The following LOXL3 variants were observed in gnomAD, a reference collection of about 807,000 sequenced individuals.
The protein encoded by LOXL3 is lysyl oxidase homolog 3.
LOXL3 carries 60 observed loss-of-function variants against 91.8 expected under a neutral mutation model. The ratio of observed to expected loss-of-function variants is 0.65; its 90% CI spans 0.53 to 0.81. The LOEUF is 0.81. Ranked by LOEUF, LOXL3 falls within the 30% of genes least tolerant of loss-of-function variation. The probability of loss-of-function intolerance (pLI) is 0.00; values close to 1 mark genes in which losing one functional copy is unlikely to be tolerated. For missense variants in LOXL3, 874 were observed against 1,000.4 expected (o/e 0.87, Z 1.70); for synonymous variants, 355 against 387.6 (o/e 0.92, Z 0.99).
Position 74,534,701 on chromosome 2 carries a change from CAT to C in LOXL3, c.1651_1652del (p.Met551ValfsTer40). ...TAYIEDRPLH[M>X]LYCAAEENCL... is the part of the protein sequence containing the mutation. ...AGTTCTCTTCCGCAGCACAGTACAA[CAT>C]ATGCAGGGGCCGGTCTTCGATGTAG... On this transcript the variant is annotated frameshift_variant, in exon 10 of 14. Transcript: ENST00000264094. LOFTEE classifies it high-confidence loss of function. 6.2e-7 allele frequency: 1 copy of C among 1,614,230 alleles called. No homozygotes were observed. Among genetic ancestry groups the C allele is most frequent in the South Asian group, 1.1e-5 (1 of 91,082 alleles).
At chr2:74,554,731 G>A, upstream of LOXL3, 1 of 1,605,254 alleles carries the variant, frequency 6.2e-7, no homozygotes, top group African/African-American at 1.3e-5. The surrounding 1 kb of genome is among the most constrained non-coding windows in gnomAD (Gnocchi z 4.9). Context: ...GGGCCAGGAA[G>A]CGCGGAAGGA....
Position 74,535,246 on chromosome 2 carries a change from C to T in LOXL3, c.1579+46G>A, listed in dbSNP as rs1397926874. The T allele has an allele frequency of 1.9e-6, 3 of 1,576,238 alleles. No homozygotes were observed. The highest frequency in any genetic ancestry group is 2.6e-6 in the Non-Finnish European group (3 of 1,159,942). On this transcript the variant is annotated intron_variant, in intron 9 of 13. Transcript: ENST00000264094. This position sits in a 1 kb window ranked among gnomAD's most constrained non-coding sequence, Gnocchi z 4.2. ...CCCCCTTTCCCTGCAAACGGGTGGC[C>T]CAGACACTCCCTTCCCTGGCATGCA... is the stretch of plus-strand genomic sequence containing the variant.
In LOXL3 at chr2:74,535,685, A is replaced by G; in HGVS notation, c.1319T>C (p.Leu440Pro). 6.2e-7 allele frequency: 1 copy of G among 1,611,236 alleles called. No individual in the cohort carries two copies. The highest frequency in any genetic ancestry group is 1.1e-5 in the South Asian group (1 of 90,746). The change falls in exon 8 of 14, where the codon CTT becomes CCT. Residue 440 changes from leucine (L) to proline (P), a missense_variant. By Grantham distance (98) the Leu-to-Pro change is moderately conservative. Coordinates refer to ENST00000264094, the MANE Select transcript of LOXL3 (RefSeq NM_032603.5). The surrounding 1 kb of genome is among the most constrained non-coding windows in gnomAD (Gnocchi z 4.2). ...ATCCCCACAGATGAGGCCCCAGCGA[A>G]GGGGCCCAGGTCCCCCTATTTGCAC... ...VEVQIGGPGP[L>P]RWGLICGDDW... is the part of the protein sequence containing the mutation.
At chr2:74,554,411 G>GCATTAAAAAA, upstream of LOXL3, 1 of 320,882 alleles carries the variant, frequency 3.1e-6, no homozygotes, top group Non-Finnish European at 5.8e-6. The surrounding 1 kb of genome is among the most constrained non-coding windows in gnomAD (Gnocchi z 4.9). Flanking sequence ...GCGCTTTCGG[G>GCATTAAAAAA]GTGATGTCAT....
At chr2:74,543,734 TA>T (rs1676445683) in intron 4 of LOXL3, among the ~76,000 whole-genome samples, 1 of 150,646 alleles carries the variant, frequency 6.6e-6, no homozygotes, top group South Asian at 2.1e-4. Flanking sequence ...TTACTAAAAA[TA>T]CCCAAAAATC....
chr2:74,542,406 G>C (rs1306127855), intron 4 of LOXL3, among the ~76,000 whole-genome samples: 2 of 152,040 alleles, frequency 1.3e-5, no homozygotes, highest in Admixed American at 1.3e-4. Flanking sequence ...TCTTCTCTAA[G>C]TCTACTGTAC....
intron 4 of LOXL3, among the ~76,000 whole-genome samples, chr2:74,537,784 G>A (rs970803705): frequency 6.6e-6 from 1 of 152,200 alleles, no homozygotes; most frequent in Admixed American, 6.5e-5. Flanking sequence ...AGAGAATGGG[G>A]GGACTTCTTT....
upstream of LOXL3, chr2:74,554,801 G>T: frequency 1.2e-6 from 2 of 1,614,146 alleles, no homozygotes; most frequent in Non-Finnish European, 1.7e-6. The surrounding 1 kb of genome is among the most constrained non-coding windows in gnomAD (Gnocchi z 4.9). Context: ...CAGAGTCAGC[G>T]CTTTGGGACC....
Position 74,549,351 on chromosome 2 carries a change from G to T in LOXL3, c.692+18C>A, listed in dbSNP as rs1326163588. 1 of 1,553,886 alleles carries T rather than the reference G, an allele frequency of 6.4e-7. No homozygotes were observed. The highest frequency in any genetic ancestry group is 1.9e-5 in the Admixed American group (1 of 52,442). ...CCCCAATCCCGGCCTGCTCCGCCCG[G>T]CGCCCGCGGCCCCTCACCTGTAGAA... On this transcript the variant is annotated intron_variant, in intron 4 of 13. Transcript: ENST00000264094. The surrounding 1 kb of genome is among the most constrained non-coding windows in gnomAD (Gnocchi z 5.3).
chr2:74,547,367 G>T (rs1196164537), intron 4 of LOXL3, among the ~76,000 whole-genome samples: 2 of 152,058 alleles, frequency 1.3e-5, no homozygotes, highest in Non-Finnish European at 2.9e-5. Context: ...AATATTGGGT[G>T]AGTGGATCTC....
At position 74,537,972 on chromosome 2, in the gene LOXL3, G is replaced by C. The variant is rs1004108471; in HGVS notation, c.693-1044C>G. 2.6e-5 allele frequency among the ~76,000 whole-genome samples: 4 copies of C among 152,180 alleles called. No homozygotes were observed. The South Asian group carries it at 6.2e-4, about 24-fold the overall frequency. ...ATCACTTGATGTCAGAGGAAGGATG[G>C]AATATGATGACTTGAAGCCATTGGC... On this transcript the variant is annotated intron_variant, in intron 4 of 13. Transcript: ENST00000264094.
chr2:74,542,956 T>C (rs1458456850), intron 4 of LOXL3, among the ~76,000 whole-genome samples: 1 of 152,162 alleles, frequency 6.6e-6, no homozygotes, highest in Non-Finnish European at 1.5e-5. Flanking sequence ...CCACTTCCTC[T>C]GGTTTTCCCT....
rs919748528 is a variant in LOXL3 at position 74,535,191 on chromosome 2, A to G, written c.1579+101T>C. ...TGCACCCGGCGAAACTGGCTCTTTT[A>G]TGGGGAAGAAGTGCCCCTCCAGATT... On this transcript the variant is annotated intron_variant, in intron 9 of 13. Coordinates refer to ENST00000264094, the MANE Select transcript of LOXL3 (RefSeq NM_032603.5). This position sits in a 1 kb window ranked among gnomAD's most constrained non-coding sequence, Gnocchi z 4.2. 5 of 1,368,332 alleles carry G rather than the reference A, an allele frequency of 3.7e-6. No individual in the cohort carries two copies. The African/African-American group carries it at 4.4e-5, about 12-fold the overall frequency. 84.8% of individuals were successfully genotyped at this position (1,368,332 alleles called of 1,614,324 possible). A position where few individuals can be genotyped will look rare whatever the true frequency, so the allele number is the denominator to read the frequency against.
intron 4 of LOXL3, among the ~76,000 whole-genome samples, chr2:74,540,305 T>C (rs774053590): frequency 6.6e-6 from 1 of 152,204 alleles, no homozygotes; most frequent in Non-Finnish European, 1.5e-5. Flanking sequence ...CAGATGTTAG[T>C]GCTAAACCTC....
At chr2:74,541,316 C>G (rs993914419) in intron 4 of LOXL3, among the ~76,000 whole-genome samples, 2 of 152,170 alleles carry the variant, frequency 1.3e-5, no homozygotes, top group African/African-American at 4.8e-5. Context: ...ACCAATCCCC[C>G]ATGGTTACTG....
Position 74,536,147 on chromosome 2 carries a change from A to G in LOXL3, c.1097T>C (p.Met366Thr). The change falls in exon 7 of 14, where the codon ATG (methionine) becomes ACG (threonine). Residue 366 changes from methionine to threonine, a missense_variant. Coordinates refer to ENST00000264094, the MANE Select transcript of LOXL3 (RefSeq NM_032603.5). The surrounding 1 kb of genome is among the most constrained non-coding windows in gnomAD (Gnocchi z 4.5). ...AACTTCACTCAGGTGGATAGCACCC[A>G]TGCCTAGGGCCAGATGGCAAAGATC... The part of the protein sequence containing the change: ...ALSGARMGQG[M>T]GAIHLSEVRC... 1 of 1,613,688 alleles carries G rather than the reference A, an allele frequency of 6.2e-7. No individual in the cohort carries two copies. Among genetic ancestry groups the G allele is most frequent in the South Asian group, 1.1e-5 (1 of 91,092 alleles).
intron 13 of LOXL3, 26 bp downstream of exon 13, chr2:74,533,856 C>T (rs1675812883): frequency 2.5e-6 from 4 of 1,576,244 alleles, no homozygotes; most frequent in Non-Finnish European, 3.5e-6. Flanking sequence ...CCCTAATCTT[C>T]CTGGGTTGCT....
upstream of LOXL3, chr2:74,555,290 G>T: frequency 6.2e-7 from 1 of 1,614,104 alleles, no homozygotes; most frequent in East Asian, 2.2e-5. This position sits in a 1 kb window ranked among gnomAD's most constrained non-coding sequence, Gnocchi z 6.1. Flanking sequence ...AAAGTGATCC[G>T]TCTGGCTGAG....
intron 4 of LOXL3, among the ~76,000 whole-genome samples, chr2:74,545,271 C>G (rs989831711): frequency 6.6e-6 from 1 of 152,190 alleles, no homozygotes; most frequent in South Asian, 2.1e-4. Flanking sequence ...TCCTGATAAG[C>G]TTCAATTTTA....
Sources: gnomAD v4.1 joint callset for allele counts (sites outside exome capture counted in the v4.1 genomes callset) on GRCh38, gnomAD v4.1.1 for gene constraint, Gnocchi (gnomAD v3.1) non-coding constraint, MANE v1.5 for transcripts, NCBI Gene and HGNC (gene_info 2026-07-23, HGNC 2026-07-21) for gene names.